Variants in P3H2 observed in about 807,000 individuals in gnomAD.
The protein encoded by P3H2 is leprecan-like 1.
P3H2 carries 80 observed loss-of-function variants against 87.0 expected under a neutral mutation model. The ratio of observed to expected loss-of-function variants is 0.92; its 90% CI spans 0.77 to 1.11. P3H2 has a LOEUF of 1.11. Among genes scored for constraint, P3H2 ranks in the 50% least tolerant of loss-of-function variants. The pLI is 0.00. For synonymous variants in P3H2, 367 were observed against 359.3 expected (o/e 1.02, Z -0.24); for missense variants, 1,001 against 923.9 (o/e 1.08, Z -1.08).
intron 2 of P3H2, among the ~76,000 whole-genome samples, chr3:189,994,711 T>C (rs76239002): frequency 0.017 from 2,569 of 150,142 alleles, 77 homozygotes; most frequent in African/African-American, 0.06. Context: ...TCCTTTTCTG[T>C]GATAATTTTG....
intron 1 of P3H2, among the ~76,000 whole-genome samples, chr3:190,088,887 T>C (rs1727314909): frequency 6.6e-6 from 1 of 152,206 alleles, no homozygotes; most frequent in South Asian, 2.1e-4. Context: ...ACCTTTGGAA[T>C]ATAGCGTGTT....
chr3:190,043,057 G>C (rs904322883), intron 1 of P3H2, among the ~76,000 whole-genome samples: 1 of 152,116 alleles, frequency 6.6e-6, no homozygotes. Flanking sequence ...GGTTGTGAGA[G>C]AGTAAGTATA....
intron 1 of P3H2, among the ~76,000 whole-genome samples, chr3:190,117,402 GAAT>G (rs1216135952): frequency 6.6e-6 from 1 of 152,138 alleles, no homozygotes; most frequent in Non-Finnish European, 1.5e-5. Flanking sequence ...TCTTAGCTGA[GAAT>G]AATTGTACTT....
intron 1 of P3H2, among the ~76,000 whole-genome samples, chr3:189,998,388 G>A (rs145711888): frequency 6.6e-6 from 1 of 152,130 alleles, no homozygotes; most frequent in South Asian, 2.1e-4. Context: ...CTGACTTAGA[G>A]AATCTTTGTC....
At chr3:189,977,902 G>A (rs113792979) in intron 8 of P3H2, among the ~76,000 whole-genome samples, 1,891 of 152,006 alleles carry the variant, frequency 0.012, 36 homozygotes, top group African/African-American at 0.043. Context: ...GAGCCACCAC[G>A]CCCAGCCAAG....
intron 1 of P3H2, among the ~76,000 whole-genome samples, chr3:190,083,642 T>C (rs1399769379): frequency 6.6e-6 from 1 of 152,212 alleles, no homozygotes. Context: ...AAAAGTTCTT[T>C]CTAAAATTAA....
chr3:190,119,659 GC>G (rs1185827184), intron 1 of P3H2, among the ~76,000 whole-genome samples: 1 of 152,200 alleles, frequency 6.6e-6, no homozygotes, highest in African/African-American at 2.4e-5. Flanking sequence ...GACTGAGACT[GC>G]CTCAAACAGC....
At chr3:190,042,118 G>A (rs1725657134) in intron 1 of P3H2, among the ~76,000 whole-genome samples, 1 of 152,190 alleles carries the variant, frequency 6.6e-6, no homozygotes, top group Non-Finnish European at 1.5e-5. Flanking sequence ...AGAGGGAGGG[G>A]TGGAAGAAAA....
intron 1 of P3H2, among the ~76,000 whole-genome samples, chr3:190,111,573 T>C (rs1046480399): frequency 1.3e-5 from 2 of 152,192 alleles, no homozygotes; most frequent in South Asian, 2.1e-4. Flanking sequence ...TCTATTTTAA[T>C]ATACTATATA....
chr3:189,987,759 A>C, intron 4 of P3H2, 90 bp from the exon 5 acceptor site: 1 of 1,421,466 alleles, frequency 7.0e-7, no homozygotes, highest in Non-Finnish European at 9.9e-7. Context: ...TACAAAGGTC[A>C]GCATTAAACA....
intron 1 of P3H2, among the ~76,000 whole-genome samples, chr3:190,062,518 T>C (rs1443550095): frequency 6.6e-6 from 1 of 152,180 alleles, no homozygotes; most frequent in Non-Finnish European, 1.5e-5. Context: ...CACTGCTTTA[T>C]CACTAAATGT....
At chr3:190,083,358 C>T (rs2108980801) in intron 1 of P3H2, among the ~76,000 whole-genome samples, 1 of 152,284 alleles carries the variant, frequency 6.6e-6, no homozygotes, top group African/African-American at 2.4e-5. Flanking sequence ...GGAAAATCCA[C>T]ACCCTTTCTA....
chr3:190,009,427 C>A (rs149845810), intron 1 of P3H2, among the ~76,000 whole-genome samples: 1 of 152,068 alleles, frequency 6.6e-6, no homozygotes, highest in African/African-American at 2.4e-5. Flanking sequence ...CTGAGCAATG[C>A]GTGGCAGTAT....
intron 1 of P3H2, among the ~76,000 whole-genome samples, chr3:190,054,556 T>C (rs1474930537): frequency 2.0e-5 from 3 of 152,202 alleles, no homozygotes; most frequent in East Asian, 1.9e-4. Flanking sequence ...CATGAAGCTT[T>C]GATTGGACCT....
rs151147053 is a variant in P3H2, at chr3:190,073,836, G to C, written c.480+46416C>G. 5.3e-5 allele frequency among the ~76,000 whole-genome samples: 8 copies of C among 152,308 alleles called. No individual in the cohort carries two copies. In the South Asian group the frequency reaches 1.0e-3, roughly 20 times the overall value. On this transcript the variant is annotated intron_variant, in intron 1 of 14. Transcript: ENST00000319332. Reference sequence around the variant, plus strand: ...TGTGCCAAGGCCATACCTCAAATGAGCTACAAATAAGGCTGTTTGGAGAAT... The same window carrying C: ...TGTGCCAAGGCCATACCTCAAATGACCTACAAATAAGGCTGTTTGGAGAAT...
intron 1 of P3H2, among the ~76,000 whole-genome samples, chr3:190,080,384 G>A (rs1036556846): frequency 6.6e-6 from 1 of 151,934 alleles, no homozygotes; most frequent in African/African-American, 2.4e-5. Context: ...TTAAATTTGA[G>A]TGCTTTTTTC....
chr3:190,062,023 CATGATATGCTA>C (rs1267836979), intron 1 of P3H2, among the ~76,000 whole-genome samples: 2 of 152,050 alleles, frequency 1.3e-5, no homozygotes, highest in African/African-American at 4.8e-5. Flanking sequence ...CGAGGTCCTC[CATGATATGCTA>C]ACTTACTTTT....
At chr3:189,985,888 TAAAATGTAGCTA>T (rs1329214475) in intron 6 of P3H2, among the ~76,000 whole-genome samples, 1 of 152,130 alleles carries the variant, frequency 6.6e-6, no homozygotes, top group African/African-American at 2.4e-5. Context: ...TTTTAGAGAC[TAAAATGTAGCTA>T]AAAATACCTT....
At chr3:189,968,036 G>C (rs1356370709) in intron 13 of P3H2, among the ~76,000 whole-genome samples, 1 of 152,100 alleles carries the variant, frequency 6.6e-6, no homozygotes, top group Admixed American at 6.6e-5. Context: ...TCACATACAT[G>C]TCCCAACTAC....
Sources: allele counts gnomAD v4.1 joint callset (sites outside exome capture counted in the v4.1 genomes callset), GRCh38; gene constraint gnomAD v4.1.1; transcripts MANE v1.5; gene names NCBI Gene and HGNC (gene_info 2026-07-23, HGNC 2026-07-21).